Variants in ARHGAP30 observed in about 807,000 individuals in gnomAD.
ARHGAP30 encodes rho GTPase-activating protein 30.
Under a neutral mutation model 72.0 loss-of-function variants are expected in ARHGAP30, and 23 were observed. The ratio of observed to expected loss-of-function variants is 0.32; its 90% CI spans 0.23 to 0.45. The LOEUF is 0.45. Among genes scored for constraint, ARHGAP30 ranks in the 20% least tolerant of loss-of-function variants. The pLI, the probability that ARHGAP30 is intolerant of heterozygous loss-of-function variation, is 1.00. For missense variants in ARHGAP30, 1,319 were observed against 1,383.4 expected (o/e 0.95, Z 0.74); for synonymous variants, 576 against 528.2 (o/e 1.09, Z -1.24).
Position 161,049,081 on chromosome 1 carries a change from T to A in ARHGAP30, c.1940A>T (p.Gln647Leu). The change falls in exon 12 of 12, where the codon CAG becomes CTG. Residue 647 changes from glutamine to leucine, a missense_variant. Coordinates refer to ENST00000368013, the MANE Select transcript of ARHGAP30 (RefSeq NM_001025598.2). Reference sequence around the variant, plus strand: ...CCAGCATGCCTGCTCTTCCCCACCCTGTCCCAGAGCCTGCCTTCCACATCC... The same window carrying A: ...CCAGCATGCCTGCTCTTCCCCACCCAGTCCCAGAGCCTGCCTTCCACATCC... ...AAGCGRQALG[Q>L]GGEEQACWEV... The A allele has an allele frequency of 6.2e-7, 1 of 1,614,108 alleles. No individual in the cohort carries two copies. The highest frequency in any genetic ancestry group is 2.2e-5 in the East Asian group (1 of 44,874).
Position 161,069,694 on chromosome 1 carries a change from G to A in ARHGAP30, c.-70C>T. Reference sequence around the variant, plus strand: ...GACCTGTGCCCTACCAGTCCCCCATGGGATCCCAGCCAGCTGCTGGGCTTG... The same window carrying A: ...GACCTGTGCCCTACCAGTCCCCCATAGGATCCCAGCCAGCTGCTGGGCTTG... On this transcript the variant is annotated 5_prime_UTR_variant, in exon 1 of 12. Transcript: ENST00000368013. This position sits in a 1 kb window ranked among gnomAD's most constrained non-coding sequence, Gnocchi z 4.9. 2.0e-6 allele frequency: 3 copies of A among 1,521,632 alleles called. No individual in the cohort carries two copies. The South Asian group carries it at 3.4e-5, about 17-fold the overall frequency. The allele number at this position is 1,521,632 out of a possible 1,614,324, so 94.3% of individuals were successfully genotyped here. A position where few individuals can be genotyped will look rare whatever the true frequency, so the allele number is the denominator to read the frequency against.
chr1:161,053,068 G>T, intron 6 of ARHGAP30, 190 bp downstream of exon 6: 2 of 939,152 alleles, frequency 2.1e-6, no homozygotes, highest in Non-Finnish European at 3.1e-6. Flanking sequence ...GTCAAGCCAT[G>T]CCCTAGACTG....
Position 161,049,274 on chromosome 1 carries a change from C to T in ARHGAP30, c.1747G>A (p.Val583Ile). The T allele has an allele frequency of 1.2e-6, 2 of 1,614,118 alleles. No individual in the cohort carries two copies. The highest frequency in any genetic ancestry group is 1.7e-6 in the Non-Finnish European group (2 of 1,180,018). ...AGGGAACAGCAGCTGGGGGCCAAGACAAACTGTGCCTCATCCAGAGACAGG... is the reference window on the plus strand; with the variant it reads ...AGGGAACAGCAGCTGGGGGCCAAGATAAACTGTGCCTCATCCAGAGACAGG... ...DDLSLDEAQFVLAPSCCSLDS... is the reference protein window; with the variant it reads ...DDLSLDEAQFILAPSCCSLDS... Residue 583 changes from valine (V) to isoleucine (I), a missense_variant, in exon 12 of 12, where the codon GTC (valine) becomes ATC (isoleucine). Val to Ile is a conservative substitution (Grantham distance 29). Coordinates refer to ENST00000368013, the MANE Select transcript of ARHGAP30 (RefSeq NM_001025598.2).
chr1:161,056,553 C>A, intron 2 of ARHGAP30, 21 bp from the exon 3 acceptor site: 2 of 1,607,530 alleles, frequency 1.2e-6, no homozygotes, highest in South Asian at 2.2e-5. Context: ...GCGGTGTGGT[C>A]AGGAGTGGTA....
At position 161,048,432 on chromosome 1, in the gene ARHGAP30, T is replaced by C; in HGVS notation, c.2589A>G (p.Glu863=). The C allele has an allele frequency of 6.2e-7, 1 of 1,614,110 alleles. No individual in the cohort carries two copies. The highest frequency in any genetic ancestry group is 8.5e-7 in the Non-Finnish European group (1 of 1,180,008). Residue 863 remains glutamate (E), a synonymous_variant, in exon 12 of 12, where the codon GAA becomes GAG. Coordinates refer to ENST00000368013, the MANE Select transcript of ARHGAP30 (RefSeq NM_001025598.2). ...GYYLEEDTLS[E]GSGVASLEVD... Reference sequence around the variant, plus strand: ...CCTCCAGGGACGCTACACCTGAACCTTCAGAGAGGGTGTCCTCTTCTAAAT... The same window carrying C: ...CCTCCAGGGACGCTACACCTGAACCCTCAGAGAGGGTGTCCTCTTCTAAAT...
intron 3 of ARHGAP30, among the ~76,000 whole-genome samples, chr1:161,055,205 T>C (rs2102044787): frequency 6.6e-6 from 1 of 152,354 alleles, no homozygotes; most frequent in South Asian, 2.1e-4. Flanking sequence ...ATTTAAAAGA[T>C]GTTCAGGCTG....
Position 161,047,655 on chromosome 1 carries a change from A to C in ARHGAP30, c.*60T>G, listed in dbSNP as rs75570999. On this transcript the variant is annotated 3_prime_UTR_variant, in exon 12 of 12. Transcript: ENST00000368013. ...CATGCTGCAGAGGAGACAGCTAGTC[A>C]GGAACCCTGGAGATTCAAGACAACT... is the stretch of plus-strand genomic sequence containing the variant. 0.015 allele frequency: 22,865 copies of C among 1,481,478 alleles called. 429 individuals are homozygous for C. The highest frequency in any genetic ancestry group is 0.079 in the South Asian group (5,398 of 68,592). 91.8% of individuals were successfully genotyped at this position (1,481,478 alleles called of 1,614,324 possible).
intron 6 of ARHGAP30, 168 bp downstream of exon 6, chr1:161,053,090 A>G (rs1258763126): frequency 1.9e-6 from 2 of 1,032,312 alleles, no homozygotes; most frequent in Non-Finnish European, 1.4e-6. Flanking sequence ...CAGCAGAAGA[A>G]GTCTTCTCAA....
chr1:161,055,882 A>AATAAATAAAAT, intron 3 of ARHGAP30, among the ~76,000 whole-genome samples: 1 of 41,996 alleles, frequency 2.4e-5, no homozygotes, highest in African/African-American at 7.5e-5. Flanking sequence ...AAATAAAATA[A>AATAAATAAAAT]AAATAAATAA....
At chr1:161,057,999 A>G (rs1411275076) in intron 2 of ARHGAP30, among the ~76,000 whole-genome samples, 1 of 152,152 alleles carries the variant, frequency 6.6e-6, no homozygotes, top group Non-Finnish European at 1.5e-5. Context: ...TAAAAATACA[A>G]AATTAGCCAG....
chr1:161,047,809 C>G lies in ARHGAP30; in HGVS notation c.3212G>C (p.Arg1071Thr). The G allele has an allele frequency of 6.2e-7, 1 of 1,606,210 alleles. No individual in the cohort carries two copies. Among genetic ancestry groups the G allele is most frequent in the Non-Finnish European group, 8.5e-7 (1 of 1,176,936 alleles). ...CAGGGGGTCAGGAACCTGGGGTTCT[C>G]TGGGGGGCAGACTAAGACGACTCCG... The part of the protein sequence containing the change: ...GSRSRLSLPP[R>T]EPQVPDPLLS... The change falls in exon 12 of 12, where the codon AGA becomes ACA. Residue 1071 changes from arginine (R) to threonine (T), a missense_variant. This residue lies in a region of ARHGAP30 where 1,097 missense variants were observed against 1,045.2 expected (regional missense o/e 1.05). Coordinates refer to ENST00000368013, the MANE Select transcript of ARHGAP30 (RefSeq NM_001025598.2).
chr1:161,056,199 TG>T (rs1394458088), intron 3 of ARHGAP30, among the ~76,000 whole-genome samples, 188 bp downstream of exon 3: 1 of 152,018 alleles, frequency 6.6e-6, no homozygotes, highest in Non-Finnish European at 1.5e-5. Flanking sequence ...AGAAAAGGAA[TG>T]GGGGAGGACA....
chr1:161,052,896 GAT>G (rs1651521877), intron 6 of ARHGAP30, 99 bp from the exon 7 acceptor site: 1 of 1,411,280 alleles, frequency 7.1e-7, no homozygotes. Context: ...CCAGGTTAGG[GAT>G]ATATTCAGAA....
At position 161,048,817 on chromosome 1, in the gene ARHGAP30, T is replaced by A. The variant is rs1456017117; in HGVS notation, c.2204A>T (p.Glu735Val). The change falls in exon 12 of 12, where the codon GAG becomes GTG. Residue 735 changes from glutamate (E) to valine (V), a missense_variant. Physicochemically the swap from Glu to Val is moderately radical, Grantham distance 121. This residue lies in a region of ARHGAP30 where 1,097 missense variants were observed against 1,045.2 expected (regional missense o/e 1.05). Coordinates refer to ENST00000368013, the MANE Select transcript of ARHGAP30 (RefSeq NM_001025598.2). ...TGTATACTCATCTCCTCCTGGTTCC[T>A]CCACACCTTTAGCCTCCATACTGTC... Reference protein sequence around the residue: ...KADSMEAKGVEEPGGDEYTDE... With the variant: ...KADSMEAKGVVEPGGDEYTDE... 1.9e-6 allele frequency: 3 copies of A among 1,614,036 alleles called. No homozygotes were observed. The highest frequency in any genetic ancestry group is 2.5e-6 in the Non-Finnish European group (3 of 1,180,042).
chr1:161,057,980 C>A (rs576470439), intron 2 of ARHGAP30, among the ~76,000 whole-genome samples: 3 of 152,056 alleles, frequency 2.0e-5, no homozygotes, highest in African/African-American at 7.2e-5. Flanking sequence ...GGAGGAACCC[C>A]GTCTCTACTA....
At position 161,049,679 on chromosome 1, in the gene ARHGAP30, C is replaced by T. The variant is rs760987120; in HGVS notation, c.1431G>A (p.Leu477=). The T allele has an allele frequency of 6.2e-7, 1 of 1,613,048 alleles. No homozygotes were observed. Among genetic ancestry groups the T allele is most frequent in the Non-Finnish European group, 8.5e-7 (1 of 1,179,492 alleles). Residue 477 remains leucine, a synonymous_variant, in exon 11 of 12, where the codon TTG becomes TTA. Transcript: ENST00000368013. ...GLGPGPPDEK[L]EASPASSPLA... ...GGGGACTTGAGGCTGGACTTGCTTC[C>T]AACTTTTCATCTGTTGGGGGAGAAG...
Position 161,048,969 on chromosome 1 carries a change from C to T in ARHGAP30, c.2052G>A (p.Glu684=), listed in dbSNP as rs1312662403. Reference sequence around the variant, plus strand: ...CTCTATCCTCACTGGCCTTTCCAGCCTCCACCTTGGTCTCTGGACTTCCCT... The same window carrying T: ...CTCTATCCTCACTGGCCTTTCCAGCTTCCACCTTGGTCTCTGGACTTCCCT... ...EAEGSPETKV[E]AGKASEDRGE... is the part of the protein sequence containing the mutation. Residue 684 remains glutamate, a synonymous_variant, in exon 12 of 12, where the codon GAG becomes GAA. Transcript: ENST00000368013. 1.9e-6 allele frequency: 3 copies of T among 1,613,890 alleles called. No homozygotes were observed. Among genetic ancestry groups the T allele is most frequent in the East Asian group, 4.5e-5 (2 of 44,874 alleles).
chr1:161,060,263 C>T (rs1293026136), intron 1 of ARHGAP30: 3 of 391,904 alleles, frequency 7.7e-6, no homozygotes, highest in African/African-American at 3.0e-5. Flanking sequence ...GAGTGAGACC[C>T]TGTTTCAAAA....
intron 1 of ARHGAP30, among the ~76,000 whole-genome samples, chr1:161,064,769 GAAAGAAAGAAAA>G (rs1652567887): frequency 9.7e-6 from 1 of 103,322 alleles, no homozygotes; most frequent in African/African-American, 3.8e-5. Flanking sequence ...GAGAAAGAAA[GAAAGAAAGAAAA>G]AGAAAGAAAG....
Sources: allele counts gnomAD v4.1 joint callset (sites outside exome capture counted in the v4.1 genomes callset), GRCh38; gene constraint gnomAD v4.1.1; regional missense constraint gnomAD v4.1.1; non-coding constraint Gnocchi (gnomAD v3.1); transcripts MANE v1.5; gene names NCBI Gene and HGNC (gene_info 2026-07-23, HGNC 2026-07-21).